DNAJC4: variants seen among roughly 807,000 people sequenced by gnomAD.
The protein encoded by DNAJC4 is dnaJ homolog subfamily C member 4.
A neutral mutation model predicts 26.8 loss-of-function variants in DNAJC4; 26 were observed. That is an observed-to-expected ratio of 0.97 (90% CI 0.71 to 1.34). The LOEUF (loss-of-function observed/expected upper bound fraction) is 1.34, where lower values mean the gene tolerates loss of function less well. Ranked by LOEUF, DNAJC4 falls within the 40% of genes most tolerant of loss-of-function variation. DNAJC4 has a pLI of 0.00. For missense variants in DNAJC4, 342 were observed against 321.1 expected (o/e 1.07, Z -0.50); for synonymous variants, 134 against 127.8 (o/e 1.05, Z -0.33).
At position 64,233,967 on chromosome 11, in the gene DNAJC4, C is replaced by A. The variant is rs754799881; in HGVS notation, c.601C>A (p.Arg201=). ...CATCACAGCCTTCTACAACGAAGCC[C>A]GGGCACGGGCCAGGTCTGTCCCTGC... ...RIITAFYNEA[R]ARARANRGIL... Residue 201 remains arginine (R), a synonymous_variant, in exon 5 of 6, where the codon CGG becomes AGG. Coordinates refer to ENST00000628077, the MANE Select transcript of DNAJC4 (RefSeq NM_005528.4). 20 of 1,614,088 alleles carry A rather than the reference C, an allele frequency of 1.2e-5. No homozygotes were observed. In the East Asian group the frequency reaches 4.0e-4, roughly 32 times the overall value.
At position 64,233,937 on chromosome 11, in the gene DNAJC4, C is replaced by T. The variant is rs767109072; in HGVS notation, c.571C>T (p.Arg191Trp). The change falls in exon 5 of 6, where the codon CGG becomes TGG. Residue 191 changes from arginine (R) to tryptophan (W), a missense_variant. Arg to Trp is a moderately radical substitution (Grantham distance 101). Transcript: ENST00000628077. The stretch of plus-strand genomic sequence containing the variant: ...CCTTAACTTCATGGATGAAAAGGAT[C>T]GGATCATCACAGCCTTCTACAACGA... ...MHLNFMDEKD[R>W]IITAFYNEAR... The T allele has an allele frequency of 1.5e-5, 24 of 1,614,090 alleles. No individual in the cohort carries two copies. The highest frequency in any genetic ancestry group is 1.7e-4 in the Middle Eastern group (1 of 6,060).
At chr11:64,231,614 A>G (rs1947177051) in intron 1 of DNAJC4, 3 of 415,296 alleles carry the variant, frequency 7.2e-6, no homozygotes, top group South Asian at 3.4e-5. Context: ...ATGCTGGATT[A>G]CAGGCGTGAG....
Position 64,230,879 on chromosome 11 carries a change from C to A in DNAJC4, c.25C>A (p.Leu9Met). The A allele has an allele frequency of 6.3e-7, 1 of 1,597,428 alleles. No homozygotes were observed. The highest frequency in any genetic ancestry group is 1.3e-5 in the African/African-American group (1 of 74,774). Residue 9 changes from leucine to methionine, a missense_variant, in exon 1 of 6, where the codon CTG (leucine) becomes ATG (methionine). Physicochemically the swap from Leu to Met is conservative, Grantham distance 15. Transcript: ENST00000628077. MPPLLPLR[L>M]CRLWPRNPPS... ...CATGCCGCCCTTACTGCCCCTGCGC[C>A]TGTGCCGGCTGTGGCCCCGCAACCC...
chr11:64,230,785 T>C lies in DNAJC4; in HGVS notation c.-70T>C. 2 of 1,546,724 alleles carry C rather than the reference T, an allele frequency of 1.3e-6. No individual in the cohort carries two copies. The highest frequency in any genetic ancestry group is 1.7e-6 in the Non-Finnish European group (2 of 1,146,316). On this transcript the variant is annotated 5_prime_UTR_variant, in exon 1 of 6. Transcript: ENST00000628077. ...GCCCCTTCCCTCTGCCCCCGGGTGC[T>C]TGAAGTCTAGCCCCATCCTGGTCCA...
Position 64,234,056 on chromosome 11 carries a change from G to C in DNAJC4, c.615-17G>C, listed in dbSNP as rs371652175. 3 of 1,613,458 alleles carry C rather than the reference G, an allele frequency of 1.9e-6. No individual in the cohort carries two copies. Among genetic ancestry groups the C allele is most frequent in the Admixed American group, 1.7e-5 (1 of 59,982 alleles). ...TCGGGATCCCTATCCCAACCACCCA[G>C]GTGCCCTCTCCTCCAGGGCCAACAG... On this transcript the variant is annotated splice_polypyrimidine_tract_variant and intron_variant, in intron 5 of 5. Coordinates refer to ENST00000628077, the MANE Select transcript of DNAJC4 (RefSeq NM_005528.4). The surrounding 1 kb of genome is among the most constrained non-coding windows in gnomAD (Gnocchi z 5.3).
chr11:64,233,739 G>A, intron 4 of DNAJC4, 155 bp from the exon 5 acceptor site: 1 of 1,035,850 alleles, frequency 9.7e-7, no homozygotes, highest in South Asian at 1.6e-5. Context: ...GGGCCACTCT[G>A]AGCCCTCCCT....
intron 1 of DNAJC4, chr11:64,231,221 G>T (rs564855741): frequency 5.4e-6 from 3 of 560,564 alleles, no homozygotes; most frequent in South Asian, 1.8e-5. Context: ...AACCCTCTGT[G>T]GGGGGTGGGA....
rs868619519 is a variant in DNAJC4, at chr11:64,230,719, C to G, written c.-136C>G. 5.5e-6 allele frequency: 7 copies of G among 1,261,352 alleles called. No individual in the cohort carries two copies. The Middle Eastern group carries it at 1.3e-3, about 234-fold the overall frequency. 78.1% of individuals were successfully genotyped at this position (1,261,352 alleles called of 1,614,324 possible). ...GTCCTGGGCAAGAACCGCCCCCTCT[C>G]CGGGCCTGCTTCAGTCTTCCTTTGC... On this transcript the variant is annotated 5_prime_UTR_variant, in exon 1 of 6. Transcript: ENST00000628077.
Position 64,234,173 on chromosome 11 carries a change from G to A in DNAJC4, c.715G>A (p.Ala239Thr), listed in dbSNP as rs767682891. 8.9e-6 allele frequency: 14 copies of A among 1,565,038 alleles called. No homozygotes were observed. The highest frequency in any genetic ancestry group is 1.8e-4 in the Middle Eastern group (1 of 5,636). The change falls in exon 6 of 6, where the codon GCC (alanine) becomes ACC (threonine). Residue 239 changes from alanine (A) to threonine (T), a missense_variant. Ala to Thr is a moderately conservative substitution (Grantham distance 58). Coordinates refer to ENST00000628077, the MANE Select transcript of DNAJC4 (RefSeq NM_005528.4). This position sits in a 1 kb window ranked among gnomAD's most constrained non-coding sequence, Gnocchi z 5.3. Reference sequence around the variant, plus strand: ...AGGCCCCGAGATCGTGCCCCGGGGCGCCGGCCCCTGAGGGGCTCACCTGGA... The same window carrying A: ...AGGCCCCGAGATCGTGCCCCGGGGCACCGGCCCCTGAGGGGCTCACCTGGA... ...TQGPEIVPRG[A>T]GP
At chr11:64,233,743 C>T (rs1019310643) in intron 4 of DNAJC4, 151 bp from the exon 5 acceptor site, 1 of 1,070,172 alleles carries the variant, frequency 9.3e-7, no homozygotes. Flanking sequence ...CACTCTGAGC[C>T]CTCCCTATCT....
Position 64,234,249 on chromosome 11 carries a change from C to T in DNAJC4, c.*65C>T. ...TGCTTCCTTCCCTGGACGGCCCGCTCCCCGAAACGCGCGCAATAAAGTGAT... is the reference window on the plus strand; with the variant it reads ...TGCTTCCTTCCCTGGACGGCCCGCTTCCCGAAACGCGCGCAATAAAGTGAT... On this transcript the variant is annotated 3_prime_UTR_variant, in exon 6 of 6. Transcript: ENST00000628077. The surrounding 1 kb of genome is among the most constrained non-coding windows in gnomAD (Gnocchi z 5.3). 1.3e-6 allele frequency: 2 copies of T among 1,503,824 alleles called. No homozygotes were observed. The highest frequency in any genetic ancestry group is 1.2e-5 in the South Asian group (1 of 81,450). 93.2% of individuals were successfully genotyped at this position (1,503,824 alleles called of 1,614,324 possible). A position where few individuals can be genotyped will look rare whatever the true frequency, so the allele number is the denominator to read the frequency against.
rs750887001 is a variant in DNAJC4, at chr11:64,230,725, C to G, written c.-130C>G. The G allele has an allele frequency of 7.6e-7, 1 of 1,308,974 alleles. No homozygotes were observed. The highest frequency in any genetic ancestry group is 1.3e-5 in the South Asian group (1 of 77,662). The allele number at this position is 1,308,974 out of a possible 1,614,324, so 81.1% of individuals were successfully genotyped here. On this transcript the variant is annotated 5_prime_UTR_variant, in exon 1 of 6. Coordinates refer to ENST00000628077, the MANE Select transcript of DNAJC4 (RefSeq NM_005528.4). ...GGCAAGAACCGCCCCCTCTCCGGGC[C>G]TGCTTCAGTCTTCCTTTGCAGAACA...
Position 64,232,566 on chromosome 11 carries a change from A to G in DNAJC4, c.317A>G (p.Lys106Arg). The G allele has an allele frequency of 4.3e-6, 7 of 1,611,924 alleles. No homozygotes were observed. Among genetic ancestry groups the G allele is most frequent in the Non-Finnish European group, 5.9e-6 (7 of 1,178,426 alleles). ...DDQLRSGSPP[K>R]SPRTTVHDKS... ...CAGCTCCGCTCAGGTAGTCCCCCAA[A>G]GTCTCCACGAACCACAGTCCATGAC... Residue 106 changes from lysine (K) to arginine (R), a missense_variant, in exon 3 of 6, where the codon AAG becomes AGG. Physicochemically the swap from Lys to Arg is conservative, Grantham distance 26. Coordinates refer to ENST00000628077, the MANE Select transcript of DNAJC4 (RefSeq NM_005528.4).
intron 1 of DNAJC4, chr11:64,231,310 G>T: frequency 3.3e-6 from 1 of 301,884 alleles, no homozygotes; most frequent in Non-Finnish European, 6.3e-6. Flanking sequence ...TCAATTGGGT[G>T]GGGGTCAGGA....
In DNAJC4 at chr11:64,231,970, C is replaced by G; in HGVS notation, c.180+6C>G. On this transcript the variant is annotated splice_donor_region_variant and intron_variant, in intron 2 of 5. Transcript: ENST00000628077. ...TCTTCTCCAAGTCCAAAGAGGTACC[C>G]GTACCCCTGAGGTGGGGAGGGGGAG... The G allele has an allele frequency of 6.2e-7, 1 of 1,613,964 alleles. No individual in the cohort carries two copies. Among genetic ancestry groups the G allele is most frequent in the Non-Finnish European group, 8.5e-7 (1 of 1,179,956 alleles).
At chr11:64,232,270 A>G (rs1279270889) in intron 2 of DNAJC4, 160 bp from the exon 3 acceptor site, 2 of 942,092 alleles carry the variant, frequency 2.1e-6, no homozygotes, top group Non-Finnish European at 3.1e-6. Context: ...GCAGGAGTCC[A>G]TGCTCTCTGG....
In DNAJC4 at chr11:64,230,699, G is replaced by C; in HGVS notation, c.-156G>C. 9.7e-7 allele frequency: 1 copy of C among 1,027,848 alleles called. No individual in the cohort carries two copies. Among genetic ancestry groups the C allele is most frequent in the Non-Finnish European group, 1.4e-6 (1 of 696,444 alleles). 63.7% of individuals were successfully genotyped at this position (1,027,848 alleles called of 1,614,324 possible). On this transcript the variant is annotated 5_prime_UTR_variant, in exon 1 of 6. Transcript: ENST00000628077. ...TCCAAGGACACGCGGGTCTGGTCCT[G>C]GGCAAGAACCGCCCCCTCTCCGGGC...
Position 64,231,919 on chromosome 11 carries a change from C to G in DNAJC4, c.135C>G (p.Ala45=). 1 of 1,614,080 alleles carries G rather than the reference C, an allele frequency of 6.2e-7. No individual in the cohort carries two copies. The highest frequency in any genetic ancestry group is 8.5e-7 in the Non-Finnish European group (1 of 1,179,990). The change falls in exon 2 of 6, where the codon GCC becomes GCG. Residue 45 remains alanine, a synonymous_variant. Coordinates refer to ENST00000628077, the MANE Select transcript of DNAJC4 (RefSeq NM_005528.4). ...AACTGTTGGGGGTGCATCCTGGTGCCAGCACTGAGGAAGTTAAACGAGCTT... is the reference window on the plus strand; with the variant it reads ...AACTGTTGGGGGTGCATCCTGGTGCGAGCACTGAGGAAGTTAAACGAGCTT... ...YYELLGVHPG[A]STEEVKRAFF... is the part of the protein sequence containing the mutation.
rs370434882 is a variant in DNAJC4 at position 64,232,515 on chromosome 11, A to G, written c.266A>G (p.Glu89Gly). 308 of 1,613,248 alleles carry G rather than the reference A, an allele frequency of 1.9e-4. 1 individual carries two copies. Among genetic ancestry groups the G allele is most frequent in the Non-Finnish European group, 2.5e-4 (296 of 1,179,440 alleles). ...LSEAYRVLSR[E>G]QSRRSYDDQL... ...GAGGCATACCGTGTGCTCAGCCGTG[A>G]GCAGAGCCGCCGCAGCTATGATGAC... The change falls in exon 3 of 6, where the codon GAG (glutamate) becomes GGG (glycine). Residue 89 changes from glutamate to glycine, a missense_variant. Coordinates refer to ENST00000628077, the MANE Select transcript of DNAJC4 (RefSeq NM_005528.4).
Sources: gnomAD v4.1 joint callset for allele counts on GRCh38, gnomAD v4.1.1 for gene constraint, Gnocchi (gnomAD v3.1) non-coding constraint, MANE v1.5 for transcripts, NCBI Gene and HGNC (gene_info 2026-07-23, HGNC 2026-07-21) for gene names.